ZC3H4: variants seen among roughly 807,000 people sequenced by gnomAD.
ZC3H4 encodes zinc finger CCCH-type containing 4, also known as zinc finger CCCH domain-containing protein 4.
In ZC3H4, 13 loss-of-function variants were observed where a neutral mutation model predicts 108.3. That is an observed-to-expected ratio of 0.12 (90% CI 0.08 to 0.19). ZC3H4 has a LOEUF of 0.19. Ranked by LOEUF, ZC3H4 falls within the 10% of genes least tolerant of loss-of-function variation. The pLI, the probability that ZC3H4 is intolerant of heterozygous loss-of-function variation, is 1.00. For synonymous variants in ZC3H4, 917 were observed against 749.6 expected (o/e 1.22, Z -3.65); for missense variants, 1,734 against 1,838.8 (o/e 0.94, Z 1.04).
intron 3 of ZC3H4, 91 bp from the exon 4 acceptor site, chr19:47,094,171 C>T: frequency 7.5e-7 from 1 of 1,331,414 alleles, no homozygotes. Flanking sequence ...CTGGCATGTG[C>T]CGCAGGGCTC....
chr19:47,094,294 G>A (rs1348103401), intron 3 of ZC3H4, 95 bp downstream of exon 3: 1 of 1,375,970 alleles, frequency 7.3e-7, no homozygotes, highest in Non-Finnish European at 1.0e-6. Flanking sequence ...GGCATTAAGA[G>A]TGCCCTCTGG....
chr19:47,077,208 T>C (rs1224406594), intron 11 of ZC3H4, among the ~76,000 whole-genome samples: 4 of 150,750 alleles, frequency 2.7e-5, no homozygotes, highest in African/African-American at 9.8e-5. Context: ...CGGTGGTTCA[T>C]GCCTGTAATC....
At chr19:47,095,162 C>T (rs1171092235) in intron 2 of ZC3H4, among the ~76,000 whole-genome samples, 2 of 152,224 alleles carry the variant, frequency 1.3e-5, no homozygotes, top group Non-Finnish European at 2.9e-5. Context: ...GCGTCAGTGC[C>T]ACCTGAGGCT....
Position 47,067,437 on chromosome 19 carries a change from A to C in ZC3H4, c.2831T>G (p.Leu944Arg), listed in dbSNP as rs1283171393. ...EKAVNIPLDP[L>R]PGHPLRDPRS... ...TGGGTCCCGCAGAGGGTGCCCGGGGAGTGGGTCCAGGGGAATGTTCACGGC... is the reference window on the plus strand; with the variant it reads ...TGGGTCCCGCAGAGGGTGCCCGGGGCGTGGGTCCAGGGGAATGTTCACGGC... The change falls in exon 15 of 15, where the codon CTC (leucine) becomes CGC (arginine). Residue 944 changes from leucine (L) to arginine (R), a missense_variant. Transcript: ENST00000253048. This position sits in a 1 kb window ranked among gnomAD's most constrained non-coding sequence, Gnocchi z 6.4. 1 of 1,601,130 alleles carries C rather than the reference A, an allele frequency of 6.2e-7. No individual in the cohort carries two copies. Among genetic ancestry groups the C allele is most frequent in the Non-Finnish European group, 8.5e-7 (1 of 1,173,120 alleles).
chr19:47,094,862 T>A (rs934017811), intron 2 of ZC3H4, among the ~76,000 whole-genome samples: 10 of 152,290 alleles, frequency 6.6e-5, no homozygotes, highest in African/African-American at 2.2e-4. Context: ...CCGGGACACA[T>A]CTACGCCAGA....
At chr19:47,089,220 A>G (rs1005801095) in intron 5 of ZC3H4, among the ~76,000 whole-genome samples, 1 of 151,350 alleles carries the variant, frequency 6.6e-6, no homozygotes, top group African/African-American at 2.4e-5. Context: ...AAAAAAAAAA[A>G]AAAAAAAAAA....
chr19:47,086,685 A>G, intron 5 of ZC3H4, 147 bp from the exon 6 acceptor site: 1 of 1,410,650 alleles, frequency 7.1e-7, no homozygotes. Context: ...AAGCCTTCCT[A>G]GATGCCCCAG....
intron 2 of ZC3H4, among the ~76,000 whole-genome samples, chr19:47,107,637 AT>A (rs766070285): frequency 1.5e-4 from 23 of 151,966 alleles, no homozygotes; most frequent in Non-Finnish European, 3.4e-4. Flanking sequence ...CTCTCAGCAA[AT>A]AATCCTGCGT....
intron 10 of ZC3H4, 37 bp from the exon 11 acceptor site, chr19:47,081,659 G>A (rs767976587): frequency 9.0e-6 from 14 of 1,558,934 alleles, no homozygotes; most frequent in Non-Finnish European, 1.2e-5. Context: ...TCATCTCACA[G>A]AACGCCCCCC....
chr19:47,069,224 C>T lies in ZC3H4; in HGVS notation c.2266G>A (p.Ala756Thr), dbSNP rs368291425. Residue 756 changes from alanine to threonine, a missense_variant, in exon 14 of 15, where the codon GCC (alanine) becomes ACC (threonine). Coordinates refer to ENST00000253048, the MANE Select transcript of ZC3H4 (RefSeq NM_015168.2). The stretch of plus-strand genomic sequence containing the variant: ...GAGGGCAGGAAGTCAGGGACACCGG[C>T]GCCTGGCTTCGGCCGGCCTGGGGGC... ...GGPPGRPKPG[A>T]GVPDFLPSAQ... 11 of 1,613,054 alleles carry T rather than the reference C, an allele frequency of 6.8e-6. No homozygotes were observed. The highest frequency in any genetic ancestry group is 6.7e-5 in the East Asian group (3 of 44,890).
At chr19:47,088,039 G>A (rs749508936) in intron 5 of ZC3H4, among the ~76,000 whole-genome samples, 23 of 151,924 alleles carry the variant, frequency 1.5e-4, no homozygotes, top group East Asian at 1.9e-4. Context: ...CGGGCGTGGC[G>A]GCAAGCACCT....
Position 47,084,462 on chromosome 19 carries a change from T to C in ZC3H4, c.1108-7A>G. On this transcript the variant is annotated splice_polypyrimidine_tract_variant and splice_region_variant and intron_variant, in intron 8 of 14. Coordinates refer to ENST00000253048, the MANE Select transcript of ZC3H4 (RefSeq NM_015168.2). ...AGCTTCCACCACCACCGTCCTGCAA[T>C]GGACAGGGTGTGGACGTAAAGGGGA... The C allele has an allele frequency of 2.5e-6, 4 of 1,613,772 alleles. No individual in the cohort carries two copies. The highest frequency in any genetic ancestry group is 3.4e-6 in the Non-Finnish European group (4 of 1,179,732).
At chr19:47,090,322 G>C (rs1044015084) in intron 4 of ZC3H4, 133 bp from the exon 5 acceptor site, 13 of 951,200 alleles carry the variant, frequency 1.4e-5, no homozygotes, top group Non-Finnish European at 2.0e-5. Context: ...TGCACTGCTG[G>C]TCTCCAGCCC....
chr19:47,086,760 T>C (rs1192525267), intron 5 of ZC3H4, among the ~76,000 whole-genome samples: 1 of 152,078 alleles, frequency 6.6e-6, no homozygotes, highest in Non-Finnish European at 1.5e-5. Flanking sequence ...ACACAGCTAC[T>C]CCAGTACTCA....
Position 47,107,277 on chromosome 19 carries a change from T to C in ZC3H4, c.161+5147A>G, listed in dbSNP as rs544902618. On this transcript the variant is annotated intron_variant, in intron 2 of 14. Coordinates refer to ENST00000253048, the MANE Select transcript of ZC3H4 (RefSeq NM_015168.2). ...ATACACCAACTGTAAAAGTTCTGTT[T>C]CAAATTCTTCTCTAGTAGGGAAAGC... 5.3e-5 allele frequency among the ~76,000 whole-genome samples: 8 copies of C among 152,326 alleles called. No homozygotes were observed. In the East Asian group the frequency reaches 9.6e-4, roughly 18 times the overall value.
At chr19:47,109,204 A>G (rs2058005371) in intron 2 of ZC3H4, among the ~76,000 whole-genome samples, 1 of 152,168 alleles carries the variant, frequency 6.6e-6, no homozygotes, top group African/African-American at 2.4e-5. Context: ...ACCAAAATAC[A>G]GTTTTTGACT....
chr19:47,082,521 C>T (rs1161728990), intron 9 of ZC3H4, among the ~76,000 whole-genome samples: 1 of 152,116 alleles, frequency 6.6e-6, no homozygotes, highest in East Asian at 1.9e-4. Flanking sequence ...CTATGTTGCC[C>T]AGGCTGGTCT....
chr19:47,083,739 T>C (rs2057565440), intron 9 of ZC3H4, among the ~76,000 whole-genome samples: 1 of 152,196 alleles, frequency 6.6e-6, no homozygotes, highest in Non-Finnish European at 1.5e-5. Flanking sequence ...ATACACAACA[T>C]TATTTGTTTG....
chr19:47,110,250 C>T (rs2058020990), intron 2 of ZC3H4, among the ~76,000 whole-genome samples: 1 of 152,100 alleles, frequency 6.6e-6, no homozygotes, highest in Non-Finnish European at 1.5e-5. Flanking sequence ...TGAATACCTG[C>T]ATCATAAATC....
Sources: allele counts gnomAD v4.1 joint callset (sites outside exome capture counted in the v4.1 genomes callset), GRCh38; gene constraint gnomAD v4.1.1; non-coding constraint Gnocchi (gnomAD v3.1); transcripts MANE v1.5; gene names NCBI Gene and HGNC (gene_info 2026-07-23, HGNC 2026-07-21).